Variants in CHSY3 observed in about 807,000 individuals in gnomAD.
CHSY3 encodes the protein chondroitin sulfate synthase 3.
In CHSY3, 35 loss-of-function variants were observed where a neutral mutation model predicts 67.2. The ratio of observed to expected loss-of-function variants is 0.52; its 90% CI spans 0.40 to 0.69. The LOEUF (loss-of-function observed/expected upper bound fraction) is 0.69. Among genes scored for constraint, CHSY3 ranks in the 30% least tolerant of loss-of-function variants. The pLI, the probability that CHSY3 is intolerant of heterozygous loss-of-function variation, is 0.00. For synonymous variants in CHSY3, 474 were observed against 434.7 expected (o/e 1.09, Z -1.12); for missense variants, 1,069 against 1,138.5 (o/e 0.94, Z 0.88).
intron 2 of CHSY3, among the ~76,000 whole-genome samples, chr5:130,153,024 A>G (rs904252183): frequency 6.6e-6 from 1 of 152,138 alleles, no homozygotes; most frequent in Non-Finnish European, 1.5e-5. Context: ...TGAAATCAGG[A>G]GTTCGAGACC....
intron 2 of CHSY3, among the ~76,000 whole-genome samples, chr5:130,022,342 T>C (rs1764416361): frequency 6.6e-6 from 1 of 152,056 alleles, no homozygotes; most frequent in African/African-American, 2.4e-5. Flanking sequence ...TAAGTAGTCA[T>C]GACTAAGTAT....
chr5:130,169,448 G>T (rs1326299225), intron 2 of CHSY3, among the ~76,000 whole-genome samples: 1 of 151,996 alleles, frequency 6.6e-6, no homozygotes, highest in Non-Finnish European at 1.5e-5. Flanking sequence ...TTTCCCTGAA[G>T]ATTACTACAG....
At chr5:130,004,375 A>G (rs1466726798) in intron 2 of CHSY3, among the ~76,000 whole-genome samples, 4 of 152,212 alleles carry the variant, frequency 2.6e-5, no homozygotes, top group Non-Finnish European at 5.9e-5. Flanking sequence ...ATATTTGAGT[A>G]TAAGTGATAT....
At chr5:130,088,864 A>T (rs946606154) in intron 2 of CHSY3, among the ~76,000 whole-genome samples, 2 of 152,152 alleles carry the variant, frequency 1.3e-5, no homozygotes, top group Non-Finnish European at 2.9e-5. Context: ...CAGCCATCCC[A>T]TTACTGGGTA....
intron 2 of CHSY3, among the ~76,000 whole-genome samples, chr5:129,987,147 A>G (rs182858335): frequency 2.0e-5 from 3 of 152,336 alleles, no homozygotes; most frequent in Admixed American, 2.0e-4. Context: ...AAAATATTAA[A>G]ATAGAGAACA....
At chr5:130,151,925 T>C (rs1344571709) in intron 2 of CHSY3, among the ~76,000 whole-genome samples, 1 of 152,220 alleles carries the variant, frequency 6.6e-6, no homozygotes, top group African/African-American at 2.4e-5. Context: ...AATGCTTGCA[T>C]TCATCAGCAT....
At chr5:129,935,399 G>A (rs1184934990) in intron 2 of CHSY3, among the ~76,000 whole-genome samples, 2 of 152,196 alleles carry the variant, frequency 1.3e-5, no homozygotes, top group Non-Finnish European at 2.9e-5. Context: ...GAACACTCAT[G>A]TTCTTCTGCC....
intron 2 of CHSY3, among the ~76,000 whole-genome samples, chr5:130,118,501 G>GTATATA (rs572879814): frequency 2.3e-4 from 32 of 140,842 alleles, no homozygotes; most frequent in African/African-American, 8.2e-4. Context: ...GTGTGTGTGT[G>GTATATA]TATATATATA....
intron 2 of CHSY3, among the ~76,000 whole-genome samples, chr5:130,155,264 C>A (rs1238639478): frequency 6.6e-6 from 1 of 152,072 alleles, no homozygotes; most frequent in Non-Finnish European, 1.5e-5. Flanking sequence ...TTAGGAAGCC[C>A]CCATTTGGGG....
chr5:129,975,576 C>G (rs951286393), intron 2 of CHSY3, among the ~76,000 whole-genome samples: 6 of 152,022 alleles, frequency 3.9e-5, no homozygotes, highest in African/African-American at 1.2e-4. Flanking sequence ...ATAGAAAGTG[C>G]TTTACCTAAT....
At chr5:130,159,214 A>C (rs962598536) in intron 2 of CHSY3, among the ~76,000 whole-genome samples, 2 of 126,688 alleles carry the variant, frequency 1.6e-5, no homozygotes, top group Non-Finnish European at 3.1e-5. Flanking sequence ...CCCAGGCTAG[A>C]GTGCAGTGGC....
rs1765066914 is a variant in CHSY3 at position 130,043,703 on chromosome 5, G to A, written c.1086+135343G>A. On this transcript the variant is annotated intron_variant, in intron 2 of 2. Transcript: ENST00000305031. ...TGCTGGTTAGTCATTTATTATATTT[G>A]ATGTCATGTAGCAGAATTAGTTTAA... Among the ~76,000 whole-genome samples the A allele has an allele frequency of 2.0e-5, 3 of 152,176 alleles. No individual in the cohort carries two copies. The South Asian group carries it at 6.2e-4, about 31-fold the overall frequency.
At chr5:130,007,182 T>C (rs1316959262) in intron 2 of CHSY3, among the ~76,000 whole-genome samples, 1 of 152,194 alleles carries the variant, frequency 6.6e-6, no homozygotes, top group Non-Finnish European at 1.5e-5. Flanking sequence ...CTATCCAATA[T>C]TTTTAAAAAG....
intron 2 of CHSY3, among the ~76,000 whole-genome samples, chr5:130,123,025 T>C (rs1768102457): frequency 6.6e-6 from 1 of 152,024 alleles, no homozygotes; most frequent in Non-Finnish European, 1.5e-5. Flanking sequence ...ATTCATCCTA[T>C]TGGCCATTTC....
intron 2 of CHSY3, among the ~76,000 whole-genome samples, chr5:130,147,289 A>G (rs1769102487): frequency 6.6e-6 from 1 of 152,200 alleles, no homozygotes; most frequent in African/African-American, 2.4e-5. Flanking sequence ...ATTGTGAGCC[A>G]AACTCTTTAA....
chr5:130,129,290 G>A (rs1768402951), intron 2 of CHSY3, among the ~76,000 whole-genome samples: 2 of 152,092 alleles, frequency 1.3e-5, no homozygotes, highest in South Asian at 2.1e-4. Context: ...TGCTCTAAAA[G>A]GATTGGTTTC....
intron 2 of CHSY3, among the ~76,000 whole-genome samples, chr5:130,117,512 A>G (rs1767850238): frequency 6.6e-6 from 1 of 152,190 alleles, no homozygotes; most frequent in South Asian, 2.1e-4. Context: ...ACATTCTGTC[A>G]ATAGTTACAC....
chr5:130,151,419 C>T (rs1327490022), intron 2 of CHSY3, among the ~76,000 whole-genome samples: 2 of 152,194 alleles, frequency 1.3e-5, no homozygotes, highest in Non-Finnish European at 2.9e-5. Flanking sequence ...CAAGTACTGA[C>T]ATGCTCAAAT....
At chr5:129,934,037 GA>G (rs1256819445) in intron 2 of CHSY3, among the ~76,000 whole-genome samples, 3 of 152,022 alleles carry the variant, frequency 2.0e-5, no homozygotes, top group Admixed American at 6.6e-5. Flanking sequence ...TTATCCTAAG[GA>G]AACTAGAGAT....
Sources: allele counts gnomAD v4.1 joint callset (sites outside exome capture counted in the v4.1 genomes callset), GRCh38; gene constraint gnomAD v4.1.1; transcripts MANE v1.5; gene names NCBI Gene and HGNC (gene_info 2026-07-23, HGNC 2026-07-21).